The following ZNF536 variants were observed in gnomAD, a reference collection of about 807,000 sequenced individuals.
ZNF536 encodes zinc finger protein 536.
Under a neutral mutation model 84.5 loss-of-function variants are expected in ZNF536, and 13 were observed. The observed-to-expected ratio is 0.15, with a 90% CI of 0.10 to 0.24. The LOEUF (loss-of-function observed/expected upper bound fraction) is 0.24, where lower values mean the gene tolerates loss of function less well. Ranked by LOEUF, ZNF536 falls within the 10% of genes least tolerant of loss-of-function variation. The pLI, the probability that ZNF536 is intolerant of heterozygous loss-of-function variation, is 1.00. For synonymous variants in ZNF536, 811 were observed against 742.5 expected, an observed-to-expected ratio of 1.09 and a Z score of -1.50; for missense variants, 1,536 against 1,747.5, an observed-to-expected ratio of 0.88 and a Z score of 2.16.
chr19:30,274,784 G>A lies in ZNF536; in HGVS notation c.-189-9288G>A, dbSNP rs1193176838. On this transcript the variant is annotated intron_variant, in intron 1 of 5. Transcript: ENST00000585628. ...ATCAAGCAGAATATCAGCACAGCAA[G>A]CAGCATTACCTCTGGTAGCACAGGT... 2.6e-5 allele frequency among the ~76,000 whole-genome samples: 4 copies of A among 152,288 alleles called. No homozygotes were observed. In the East Asian group the frequency reaches 7.7e-4, roughly 29 times the overall value.
At chr19:30,380,686 G>A (rs985209938) in intron 1 of ZNF536, among the ~76,000 whole-genome samples, 1 of 152,140 alleles carries the variant, frequency 6.6e-6, no homozygotes, top group African/African-American at 2.4e-5. Context: ...CAGTGAGAGG[G>A]AGGAAGCTGT....
chr19:30,266,359 T>C (rs1360859368), intron 1 of ZNF536, among the ~76,000 whole-genome samples: 1 of 152,180 alleles, frequency 6.6e-6, no homozygotes, highest in Non-Finnish European at 1.5e-5. Flanking sequence ...AGGTAACTTC[T>C]CATCTCCATC....
At chr19:30,606,194 T>TGA (rs1568596684) in intron 1 of ZNF536, among the ~76,000 whole-genome samples, 1 of 56,386 alleles carries the variant, frequency 1.8e-5, no homozygotes, top group Non-Finnish European at 3.3e-5. Context: ...TAAAATAAAA[T>TGA]AATAAAATAA....
rs1322938171 is a variant in ZNF536, at chr19:30,453,710, A to G, written c.2170+7978A>G. Among the ~76,000 whole-genome samples, 4 of 152,362 alleles carry G rather than the reference A, an allele frequency of 2.6e-5. No individual in the cohort carries two copies. In the East Asian group the frequency reaches 7.7e-4, roughly 29 times the overall value. Reference sequence around the variant, plus strand: ...AGAGTCCCAAAACAATGCGTGTCTGAACAAACACCATCTTCAGCTACCTGA... The same window carrying G: ...AGAGTCCCAAAACAATGCGTGTCTGGACAAACACCATCTTCAGCTACCTGA... On this transcript the variant is annotated intron_variant, in intron 2 of 4. Transcript: ENST00000355537.
chr19:30,711,249 A>G (rs2052445934), exon 2 of ZNF536: 1 of 152,132 alleles, frequency 6.6e-6, no homozygotes, highest in Non-Finnish European at 1.5e-5. Context: ...GGTGGGAGAA[A>G]AGTGATTTCA....
upstream of ZNF536, among the ~76,000 whole-genome samples, chr19:30,371,844 A>G (rs1297381165): frequency 6.6e-6 from 1 of 151,836 alleles, no homozygotes; most frequent in African/African-American, 2.4e-5. Context: ...GTGTATATAT[A>G]TAAAGAGAGA....
In ZNF536 at chr19:30,434,772, ATGG is replaced by A. The variant is rs531608956; in HGVS notation, c.-2-8780_-2-8778del. Among the ~76,000 whole-genome samples the A allele has an allele frequency of 8.3e-4, 126 of 152,068 alleles. 4 individuals carry two copies. The South Asian group carries it at 0.026, about 31-fold the overall frequency. The stretch of plus-strand genomic sequence containing the variant: ...GGTGATATTGATGATAATGATGATG[ATGG>A]TGGTGGTGATGACGACGATGATGAT... On this transcript the variant is annotated intron_variant, in intron 1 of 4. Coordinates refer to ENST00000355537, the MANE Select transcript of ZNF536 (RefSeq NM_014717.3).
chr19:30,454,955 T>A (rs2052770255), intron 2 of ZNF536, among the ~76,000 whole-genome samples: 1 of 152,038 alleles, frequency 6.6e-6, no homozygotes, highest in Admixed American at 6.6e-5. Context: ...ATCGCTTGAA[T>A]CCGGGAGGAG....
intron 2 of ZNF536, among the ~76,000 whole-genome samples, chr19:30,459,236 A>AT (rs35590599): frequency 1.2e-3 from 169 of 136,218 alleles, no homozygotes; most frequent in Middle Eastern, 3.9e-3. Context: ...TATCATTTTC[A>AT]TTTTTTTTTT....
At chr19:30,545,961 G>T (rs2045537132) in intron 3 of ZNF536, among the ~76,000 whole-genome samples, 1 of 152,244 alleles carries the variant, frequency 6.6e-6, no homozygotes. Flanking sequence ...ACCTCTGCAG[G>T]CTTTCATCGC....
chr19:30,497,993 C>T (rs557649519), intron 2 of ZNF536, among the ~76,000 whole-genome samples: 1 of 152,284 alleles, frequency 6.6e-6, no homozygotes. Context: ...AAATCGCAGT[C>T]CTCTTCAGCT....
At chr19:30,569,840 G>C (rs1426584413) in intron 1 of ZNF536, among the ~76,000 whole-genome samples, 1 of 151,970 alleles carries the variant, frequency 6.6e-6, no homozygotes, top group East Asian at 1.9e-4. Flanking sequence ...CTAAAGAGCT[G>C]GGATTACAGA....
At chr19:30,645,608 G>C (rs934918238) in intron 1 of ZNF536, among the ~76,000 whole-genome samples, 1 of 152,196 alleles carries the variant, frequency 6.6e-6, no homozygotes, top group Non-Finnish European at 1.5e-5. Context: ...TAATATTAAT[G>C]AATGATGTAA....
At chr19:30,479,221 G>A (rs530463876) in intron 2 of ZNF536, among the ~76,000 whole-genome samples, 5 of 152,140 alleles carry the variant, frequency 3.3e-5, no homozygotes, top group Non-Finnish European at 5.9e-5. Flanking sequence ...TAGGGACCAG[G>A]CCAGTGGAAG....
At chr19:30,405,934 C>T (rs1389230492) in intron 1 of ZNF536, among the ~76,000 whole-genome samples, 1 of 152,132 alleles carries the variant, frequency 6.6e-6, no homozygotes. Flanking sequence ...CCCGCCAACA[C>T]ACCCAGATAA....
intron 2 of ZNF536, among the ~76,000 whole-genome samples, chr19:30,462,385 C>T (rs1838586794): frequency 6.6e-6 from 1 of 151,494 alleles, no homozygotes; most frequent in South Asian, 2.1e-4. Flanking sequence ...CTTGTGCTGT[C>T]TTGGGGTGGT....
intron 1 of ZNF536, among the ~76,000 whole-genome samples, chr19:30,599,277 T>C (rs111064681): frequency 1 from 99,643 of 99,820 alleles, 49,734 homozygotes; most frequent in African/African-American, 1. Context: ...CCCATCCTTG[T>C]CTCTCTCCTT....
chr19:30,593,073 A>G (rs2047329505), intron 1 of ZNF536, among the ~76,000 whole-genome samples: 1 of 152,222 alleles, frequency 6.6e-6, no homozygotes, highest in South Asian at 2.1e-4. Flanking sequence ...GGTATTTATA[A>G]TGAAAGTGTG....
chr19:30,687,358 C>T (rs916359598), intron 1 of ZNF536, among the ~76,000 whole-genome samples: 1 of 152,230 alleles, frequency 6.6e-6, no homozygotes, highest in Non-Finnish European at 1.5e-5. Flanking sequence ...CGAGCTCTCA[C>T]TCTACTGGGC....
Sources: allele counts gnomAD v4.1 joint callset (sites outside exome capture counted in the v4.1 genomes callset), GRCh38; gene constraint gnomAD v4.1.1; transcripts MANE v1.5; gene names NCBI Gene and HGNC (gene_info 2026-07-23, HGNC 2026-07-21).